Variants in EXOC2 observed in about 807,000 individuals in gnomAD.
The protein encoded by EXOC2 is exocyst complex component 2.
In EXOC2, 70 loss-of-function variants were observed where a neutral mutation model predicts 131.8. That is an observed-to-expected ratio of 0.53 (90% CI 0.44 to 0.65). EXOC2 has a LOEUF of 0.65. Ranked by LOEUF, EXOC2 falls within the 30% of genes least tolerant of loss-of-function variation. The probability of loss-of-function intolerance (pLI) is 0.00; values close to 1 mark genes in which losing one functional copy is unlikely to be tolerated. For synonymous variants in EXOC2, 411 were observed against 398.4 expected (o/e 1.03, Z -0.38); for missense variants, 923 against 1,108.6 (o/e 0.83, Z 2.38).
chr6:501,056 CTATATATATCTATA>C (rs1329269803), intron 23 of EXOC2, among the ~76,000 whole-genome samples: 2 of 130,122 alleles, frequency 1.5e-5, no homozygotes, highest in Non-Finnish European at 3.1e-5. Context: ...ATATACATAT[CTATATATATCTATA>C]TATCTATATA....
chr6:565,901 T>C (rs1339803155), intron 13 of EXOC2, among the ~76,000 whole-genome samples: 3 of 152,198 alleles, frequency 2.0e-5, no homozygotes, highest in East Asian at 3.8e-4. Context: ...ATAATGAACA[T>C]ATCAATGTAA....
intron 1 of EXOC2, among the ~76,000 whole-genome samples, chr6:640,745 CA>C (rs1762316180): frequency 6.6e-6 from 1 of 152,104 alleles, no homozygotes. Flanking sequence ...TCACGGCCCT[CA>C]AAAGAAACCA....
chr6:610,014 G>T, intron 7 of EXOC2, 84 bp downstream of exon 7: 2 of 1,174,404 alleles, frequency 1.7e-6, no homozygotes, highest in Non-Finnish European at 1.2e-6. Flanking sequence ...TTACTGCCTT[G>T]TCCCGCGATA....
chr6:687,352 T>C (rs1275229878), intron 1 of EXOC2, among the ~76,000 whole-genome samples: 1 of 151,844 alleles, frequency 6.6e-6, no homozygotes, highest in East Asian at 1.9e-4. Flanking sequence ...GGCTAACTTT[T>C]TTCTAATTTT....
intron 22 of EXOC2, among the ~76,000 whole-genome samples, chr6:538,346 T>C (rs532348795): frequency 6.6e-5 from 10 of 152,332 alleles, no homozygotes; most frequent in African/African-American, 1.7e-4. Context: ...CTGCTGAACA[T>C]AGAAAACTGG....
intron 25 of EXOC2, among the ~76,000 whole-genome samples, chr6:494,717 G>A (rs1049995609): frequency 1.3e-5 from 2 of 152,124 alleles, no homozygotes; most frequent in African/African-American, 4.8e-5. Context: ...TCTGTGTAAG[G>A]ATTCCTTCAT....
intron 22 of EXOC2, among the ~76,000 whole-genome samples, chr6:545,855 C>T (rs1756822952): frequency 6.6e-6 from 1 of 152,084 alleles, no homozygotes; most frequent in African/African-American, 2.4e-5. Context: ...CGTATACCCA[C>T]ATTAACAAAT....
At chr6:529,125 C>T (rs1355411273) in intron 23 of EXOC2, among the ~76,000 whole-genome samples, 1 of 150,332 alleles carries the variant, frequency 6.7e-6, no homozygotes, top group African/African-American at 2.5e-5. Flanking sequence ...TACCCCCCCC[C>T]GCGCCCTGGT....
rs559628966 is a variant in EXOC2 at position 682,091 on chromosome 6, C to G, written c.-44+10928G>C. ...GCTGGGAACAGGAACCTGCATGACACAGCACTGCAGAAAAGTGCTGGTGAC... is the reference window on the plus strand; with the variant it reads ...GCTGGGAACAGGAACCTGCATGACAGAGCACTGCAGAAAAGTGCTGGTGAC... On this transcript the variant is annotated intron_variant, in intron 1 of 27. Coordinates refer to ENST00000230449, the MANE Select transcript of EXOC2 (RefSeq NM_018303.6). Among the ~76,000 whole-genome samples the G allele has an allele frequency of 2.0e-5, 3 of 152,314 alleles. No homozygotes were observed. The South Asian group carries it at 6.2e-4, about 32-fold the overall frequency.
intron 23 of EXOC2, among the ~76,000 whole-genome samples, chr6:522,403 C>T (rs1264150859): frequency 7.1e-6 from 1 of 139,960 alleles, no homozygotes; most frequent in Non-Finnish European, 1.5e-5. Flanking sequence ...GCACTGTGAG[C>T]TGGGCTGGGC....
At chr6:493,021 G>A (rs1763525787) in intron 25 of EXOC2, among the ~76,000 whole-genome samples, 1 of 152,200 alleles carries the variant, frequency 6.6e-6, no homozygotes, top group African/African-American at 2.4e-5. Context: ...CAGACCCACT[G>A]ACAATGATAA....
chr6:668,222 G>T (rs997021226), intron 1 of EXOC2, among the ~76,000 whole-genome samples: 1 of 152,052 alleles, frequency 6.6e-6, no homozygotes, highest in Non-Finnish European at 1.5e-5. Flanking sequence ...AAATTTTTAG[G>T]CATTAATGCT....
chr6:663,578 G>C (rs1763510354), intron 1 of EXOC2, among the ~76,000 whole-genome samples: 1 of 152,146 alleles, frequency 6.6e-6, no homozygotes, highest in South Asian at 2.1e-4. Flanking sequence ...ATATCAAAAA[G>C]ATAATCCACC....
chr6:660,813 A>C (rs1561986158), intron 1 of EXOC2, among the ~76,000 whole-genome samples: 1 of 152,194 alleles, frequency 6.6e-6, no homozygotes, highest in Non-Finnish European at 1.5e-5. Flanking sequence ...TCCCTGATTT[A>C]CCTGAAAAAA....
intron 7 of EXOC2, among the ~76,000 whole-genome samples, chr6:604,675 C>G (rs1554136314): frequency 6.6e-6 from 1 of 152,090 alleles, no homozygotes; most frequent in Non-Finnish European, 1.5e-5. Flanking sequence ...ACCCTGCTTC[C>G]TGGGCTGCGG....
chr6:558,827 T>TA (rs142236070), intron 17 of EXOC2, among the ~76,000 whole-genome samples: 4,087 of 149,626 alleles, frequency 0.027, 142 homozygotes, highest in African/African-American at 0.078. Context: ...AATTAAAAAT[T>TA]AAAAAAAAAA....
chr6:555,324 A>T, intron 19 of EXOC2, 36 bp from the exon 20 acceptor site: 9 of 1,343,632 alleles, frequency 6.7e-6, no homozygotes, highest in Non-Finnish European at 9.3e-6. Context: ...CTCTCAGAGG[A>T]ATGAACTCCT....
chr6:691,659 A>C (rs1764931455), intron 1 of EXOC2, among the ~76,000 whole-genome samples: 1 of 152,242 alleles, frequency 6.6e-6, no homozygotes, highest in South Asian at 2.1e-4. Context: ...AGTCCTGGGA[A>C]AGTCAAAAGT....
At chr6:677,816 C>T (rs1245597327) in intron 1 of EXOC2, among the ~76,000 whole-genome samples, 1 of 152,102 alleles carries the variant, frequency 6.6e-6, no homozygotes, top group Admixed American at 6.6e-5. Flanking sequence ...TTTTAATCCT[C>T]AGAACTCTCC....
Sources: allele counts gnomAD v4.1 joint callset (sites outside exome capture counted in the v4.1 genomes callset), GRCh38; gene constraint gnomAD v4.1.1; transcripts MANE v1.5; gene names NCBI Gene and HGNC (gene_info 2026-07-23, HGNC 2026-07-21).